SGCZ: variants seen among roughly 807,000 people sequenced by gnomAD.
The protein encoded by SGCZ is sarcoglycan zeta, also known as zeta-sarcoglycan.
In SGCZ, 40 loss-of-function variants were observed where a neutral mutation model predicts 41.3. That is an observed-to-expected ratio of 0.97 (90% CI 0.75 to 1.26). SGCZ has a LOEUF of 1.26. Ranked by LOEUF, SGCZ falls within the 50% of genes most tolerant of loss-of-function variation. The pLI is 0.00. For missense variants in SGCZ, 552 were observed against 369.8 expected (o/e 1.49, Z -4.04); for synonymous variants, 206 against 137.5 (o/e 1.50, Z -3.49).
At chr8:14,420,892 G>A (rs752913497) in intron 2 of SGCZ, among the ~76,000 whole-genome samples, 9 of 152,094 alleles carry the variant, frequency 5.9e-5, no homozygotes, top group African/African-American at 9.7e-5. Flanking sequence ...TTTGTATGCA[G>A]TTCTTTCCAG....
At chr8:15,163,410 A>C (rs1245716108) in intron 1 of SGCZ, among the ~76,000 whole-genome samples, 2 of 152,224 alleles carry the variant, frequency 1.3e-5, no homozygotes, top group Non-Finnish European at 2.9e-5. Context: ...CATTACGCTA[A>C]GTTGCATTTA....
intron 4 of SGCZ, among the ~76,000 whole-genome samples, chr8:14,185,721 T>G (rs1189100423): frequency 6.6e-6 from 1 of 152,190 alleles, no homozygotes; most frequent in East Asian, 1.9e-4. Flanking sequence ...ACTCATCGTC[T>G]TTCTATTCTC....
rs149199866 is a variant in SGCZ, at chr8:14,934,651, C to A, written c.39+302934G>T. On this transcript the variant is annotated intron_variant, in intron 1 of 7. Transcript: ENST00000382080. The stretch of plus-strand genomic sequence containing the variant: ...CACATTTCTAGAAGCAAAATTAAGA[C>A]AGAATGAGGGAAAAACAAAATGTTA... 1.6e-3 allele frequency among the ~76,000 whole-genome samples: 239 copies of A among 151,424 alleles called. 4 individuals are homozygous for A. Among genetic ancestry groups the A allele is most frequent in the African/African-American group, 5.1e-3 (211 of 41,186 alleles).
At chr8:14,872,829 C>T (rs1316007671) in intron 1 of SGCZ, among the ~76,000 whole-genome samples, 2 of 152,094 alleles carry the variant, frequency 1.3e-5, no homozygotes, top group Non-Finnish European at 2.9e-5. Context: ...CCCCACTTCC[C>T]AGCACACTGA....
intron 2 of SGCZ, among the ~76,000 whole-genome samples, chr8:14,533,165 C>A (rs1267993670): frequency 6.6e-6 from 1 of 151,640 alleles, no homozygotes; most frequent in Non-Finnish European, 1.5e-5. Flanking sequence ...CCACAACAGG[C>A]CCCGGTGTGT....
chr8:14,495,383 T>C (rs1359208326), intron 2 of SGCZ, among the ~76,000 whole-genome samples: 2 of 152,206 alleles, frequency 1.3e-5, no homozygotes, highest in Admixed American at 6.5e-5. Flanking sequence ...TTGACATAAC[T>C]GATTTGCAGA....
intron 1 of SGCZ, among the ~76,000 whole-genome samples, chr8:14,652,144 A>C (rs114744523): frequency 0.014 from 2,051 of 151,826 alleles, 22 homozygotes; most frequent in African/African-American, 0.025. Flanking sequence ...AGTGAGAAAT[A>C]CATGAGTTCA....
At chr8:14,365,771 A>C (rs908267397) in intron 2 of SGCZ, among the ~76,000 whole-genome samples, 5 of 152,140 alleles carry the variant, frequency 3.3e-5, no homozygotes, top group African/African-American at 1.2e-4. Flanking sequence ...TTTTCCAAAA[A>C]TTTAGTCATT....
At chr8:15,033,427 T>C (rs1803758399) in intron 1 of SGCZ, among the ~76,000 whole-genome samples, 1 of 151,204 alleles carries the variant, frequency 6.6e-6, no homozygotes, top group Admixed American at 6.6e-5. Flanking sequence ...CCATGCCTAT[T>C]CCAGAACCAG....
chr8:14,245,608 A>T (rs1371837461), intron 3 of SGCZ, among the ~76,000 whole-genome samples: 4 of 152,168 alleles, frequency 2.6e-5, no homozygotes, highest in Non-Finnish European at 5.9e-5. Context: ...ATCTAATTAA[A>T]CTAAAGAGCT....
intron 1 of SGCZ, among the ~76,000 whole-genome samples, chr8:15,077,449 G>T (rs962909789): frequency 6.6e-6 from 1 of 152,202 alleles, no homozygotes; most frequent in African/African-American, 2.4e-5. Flanking sequence ...AAAAGCACTA[G>T]ACAATCCTTA....
intron 3 of SGCZ, among the ~76,000 whole-genome samples, chr8:14,293,976 A>G (rs1169654709): frequency 1.3e-5 from 2 of 151,788 alleles, no homozygotes; most frequent in Non-Finnish European, 2.9e-5. Flanking sequence ...TGGATCAACA[A>G]TCTATAGAGT....
At chr8:14,861,602 A>G (rs1380822155) in intron 1 of SGCZ, among the ~76,000 whole-genome samples, 2 of 152,182 alleles carry the variant, frequency 1.3e-5, no homozygotes, top group African/African-American at 4.8e-5. Flanking sequence ...ATTAAATAGC[A>G]AATATCATTT....
chr8:14,658,009 A>G (rs1488027890), intron 1 of SGCZ, among the ~76,000 whole-genome samples: 2 of 152,184 alleles, frequency 1.3e-5, no homozygotes, highest in African/African-American at 4.8e-5. Flanking sequence ...AATTTAAAAA[A>G]AGGAAACTAC....
At chr8:15,026,141 T>G (rs896599930) in intron 1 of SGCZ, among the ~76,000 whole-genome samples, 3 of 152,118 alleles carry the variant, frequency 2.0e-5, no homozygotes, top group African/African-American at 7.2e-5. Flanking sequence ...AAAAGGACTT[T>G]TGATGTTTAT....
intron 2 of SGCZ, among the ~76,000 whole-genome samples, chr8:14,416,232 G>A (rs4410905): frequency 0.68 from 103,567 of 151,734 alleles, 35,458 homozygotes; most frequent in East Asian, 0.83. Flanking sequence ...CTCCTTTAAG[G>A]CAGACATTTC....
chr8:15,185,823 TTGTA>T (rs1800315033), intron 1 of SGCZ, among the ~76,000 whole-genome samples: 2 of 152,158 alleles, frequency 1.3e-5, no homozygotes, highest in African/African-American at 4.8e-5. Context: ...TACTATAACT[TTGTA>T]TGTAAAATGC....
At chr8:14,482,332 A>G (rs930057682) in intron 2 of SGCZ, among the ~76,000 whole-genome samples, 14 of 152,202 alleles carry the variant, frequency 9.2e-5, no homozygotes, top group African/African-American at 2.4e-4. Context: ...TAATTTCACA[A>G]GCAAACAGCA....
intron 1 of SGCZ, among the ~76,000 whole-genome samples, chr8:14,749,072 G>C (rs1184805521): frequency 1.3e-5 from 2 of 151,722 alleles, no homozygotes; most frequent in South Asian, 2.1e-4. Context: ...ATTCTAATAG[G>C]TTAGCTCATT....
Sources: allele counts gnomAD v4.1 joint callset (sites outside exome capture counted in the v4.1 genomes callset), GRCh38; gene constraint gnomAD v4.1.1; transcripts MANE v1.5; gene names NCBI Gene and HGNC (gene_info 2026-07-23, HGNC 2026-07-21).